Variants in DENND1B observed in about 807,000 individuals in gnomAD.
DENND1B encodes the protein DENN domain containing 1B, also known as DENN domain-containing protein 1B.
In DENND1B, 59 loss-of-function variants were observed where a neutral mutation model predicts 90.1. The ratio of observed to expected loss-of-function variants is 0.65; its 90% confidence interval spans 0.53 to 0.81. The LOEUF (loss-of-function observed/expected upper bound fraction) is 0.81, where lower values mean the gene tolerates loss of function less well. Ranked by LOEUF, DENND1B falls within the 40% of genes least tolerant of loss-of-function variation. The probability of loss-of-function intolerance (pLI) is 0.00; values close to 1 mark genes in which losing one functional copy is unlikely to be tolerated. For missense variants in DENND1B, 862 were observed against 912.6 expected (o/e 0.94, Z 0.71); for synonymous variants, 337 against 324.6 (o/e 1.04, Z -0.41).
intron 5 of DENND1B, among the ~76,000 whole-genome samples, chr1:197,662,964 A>G (rs1256305586): frequency 1.3e-5 from 2 of 152,126 alleles, no homozygotes; most frequent in East Asian, 3.9e-4. Context: ...TTAAAGTAAC[A>G]TTTTGGTAAA....
intron 18 of DENND1B, 64 bp from the exon 19 acceptor site, chr1:197,541,079 T>C (rs1381674034): frequency 5.1e-6 from 7 of 1,370,774 alleles, no homozygotes; most frequent in African/African-American, 2.9e-5. Context: ...AGAATAAGTA[T>C]ACAAGATCAA....
intron 13 of DENND1B, among the ~76,000 whole-genome samples, chr1:197,597,211 C>CA (rs1188049776): frequency 6.6e-6 from 1 of 151,646 alleles, no homozygotes; most frequent in Non-Finnish European, 1.5e-5. Context: ...ATAATAATTA[C>CA]AAAAATAAAT....
chr1:197,583,363 C>A, intron 14 of DENND1B, 110 bp from the exon 15 acceptor site: 4 of 913,100 alleles, frequency 4.4e-6, no homozygotes, highest in Non-Finnish European at 6.8e-6. Context: ...GGTGCAGAAG[C>A]AACAGACCCT....
chr1:197,539,302 T>C (rs539838248), intron 20 of DENND1B, among the ~76,000 whole-genome samples: 102 of 152,310 alleles, frequency 6.7e-4, no homozygotes, highest in Non-Finnish European at 1.3e-3. Flanking sequence ...AGTTCTGTAA[T>C]TTTGTAGCTA....
chr1:197,649,261 C>G (rs74134862), intron 7 of DENND1B, among the ~76,000 whole-genome samples: 1 of 152,108 alleles, frequency 6.6e-6, no homozygotes, highest in African/African-American at 2.4e-5. Context: ...AACGTTTTAA[C>G]AAATTCTATA....
Position 197,540,087 on chromosome 1 carries a change from T to C in DENND1B, c.1408-16A>G. The C allele has an allele frequency of 3.9e-6, 6 of 1,557,084 alleles. No homozygotes were observed. In the South Asian group the frequency reaches 4.6e-5, roughly 12 times the overall value. ...CTTCATTTTCCTACACATGAAAAAATATACAGGCAATAATTGTAAAGTACT... is the reference window on the plus strand; with the variant it reads ...CTTCATTTTCCTACACATGAAAAAACATACAGGCAATAATTGTAAAGTACT... On this transcript the variant is annotated splice_polypyrimidine_tract_variant and intron_variant, in intron 19 of 22. Coordinates refer to ENST00000620048, the MANE Select transcript of DENND1B (RefSeq NM_001195215.2).
intron 2 of DENND1B, among the ~76,000 whole-genome samples, chr1:197,740,374 T>C (rs1199017322): frequency 6.6e-6 from 1 of 151,942 alleles, no homozygotes; most frequent in Non-Finnish European, 1.5e-5. Flanking sequence ...GCCTTGTGGG[T>C]CCCTGGCAAG....
chr1:197,698,741 C>A (rs746704220), intron 3 of DENND1B, among the ~76,000 whole-genome samples: 4 of 152,034 alleles, frequency 2.6e-5, no homozygotes, highest in Non-Finnish European at 4.4e-5. Context: ...CACCACTGAT[C>A]CCACAGAAAT....
intron 14 of DENND1B, among the ~76,000 whole-genome samples, chr1:197,590,241 T>C (rs1362338298): frequency 6.6e-6 from 1 of 151,962 alleles, no homozygotes; most frequent in Non-Finnish European, 1.5e-5. Flanking sequence ...GCATCATTAC[T>C]TTTTTTTAAC....
intron 3 of DENND1B, among the ~76,000 whole-genome samples, chr1:197,701,256 G>A (rs569256389): frequency 3.5e-4 from 53 of 152,214 alleles, no homozygotes; most frequent in Non-Finnish European, 7.1e-4. Flanking sequence ...GCCATACAAA[G>A]GAATGAGATA....
At position 197,749,822 on chromosome 1, in the gene DENND1B, T is replaced by C. The variant is rs1007146239; in HGVS notation, c.82+23046A>G. Among the ~76,000 whole-genome samples the C allele has an allele frequency of 2.0e-5, 3 of 151,986 alleles. No individual in the cohort carries two copies. The East Asian group carries it at 5.8e-4, about 29-fold the overall frequency. ...TTAATAATTTCAATTTATAGTGAAGTTTTTTGGGTTTTTTTGTTGTTGTTT... is the reference window on the plus strand; with the variant it reads ...TTAATAATTTCAATTTATAGTGAAGCTTTTTGGGTTTTTTTGTTGTTGTTT... On this transcript the variant is annotated intron_variant, in intron 2 of 22. Transcript: ENST00000620048.
chr1:197,517,948 T>TTTC (rs1668517186), intron 20 of DENND1B, among the ~76,000 whole-genome samples: 1 of 151,918 alleles, frequency 6.6e-6, no homozygotes, highest in African/African-American at 2.4e-5. Context: ...TGTTTGTTTT[T>TTTC]TAGTTATCCT....
Position 197,523,689 on chromosome 1 carries a change from A to G in DENND1B, c.1516-10736T>C, listed in dbSNP as rs146103446. Among the ~76,000 whole-genome samples, 288 of 152,320 alleles carry G rather than the reference A, an allele frequency of 1.9e-3. 1 individual carries two copies. The highest frequency in any genetic ancestry group is 6.6e-3 in the African/African-American group (276 of 41,576). Reference sequence around the variant, plus strand: ...ATAGCAGCCCATTACAGGCAATGATATCAACAAAATCAAAATCCAGTTCAT... The same window carrying G: ...ATAGCAGCCCATTACAGGCAATGATGTCAACAAAATCAAAATCCAGTTCAT... On this transcript the variant is annotated intron_variant, in intron 20 of 22. Transcript: ENST00000620048.
chr1:197,626,703 A>G (rs1180466948), intron 10 of DENND1B, among the ~76,000 whole-genome samples: 1 of 151,826 alleles, frequency 6.6e-6, no homozygotes, highest in Non-Finnish European at 1.5e-5. Flanking sequence ...AAATAGAGAC[A>G]CAAAAAAAAC....
intron 2 of DENND1B, among the ~76,000 whole-genome samples, chr1:197,755,287 C>T (rs1418250451): frequency 1.3e-5 from 2 of 152,072 alleles, no homozygotes; most frequent in Non-Finnish European, 2.9e-5. Flanking sequence ...AGTATATAGC[C>T]TACCAAAAGA....
In DENND1B at chr1:197,641,044, C is replaced by T. The variant is rs1680228454; in HGVS notation, c.672+1667G>A. Among the ~76,000 whole-genome samples, 12 of 152,322 alleles carry T rather than the reference C, an allele frequency of 7.9e-5. No homozygotes were observed. The South Asian group carries it at 2.5e-3, about 32-fold the overall frequency. On this transcript the variant is annotated intron_variant, in intron 10 of 22. Transcript: ENST00000620048. The stretch of plus-strand genomic sequence containing the variant: ...ACCCTGTAAACCCACTCACTTTATC[C>T]ATTATGTAACCCTAGCTAATAAATA...
chr1:197,567,429 A>C (rs1464384123), intron 15 of DENND1B, among the ~76,000 whole-genome samples: 1 of 152,170 alleles, frequency 6.6e-6, no homozygotes, highest in Non-Finnish European at 1.5e-5. Flanking sequence ...TTTAAAGAAT[A>C]CCAATCCTCA....
At chr1:197,597,098 A>G (rs913992789) in intron 13 of DENND1B, among the ~76,000 whole-genome samples, 1 of 151,946 alleles carries the variant, frequency 6.6e-6, no homozygotes, top group Non-Finnish European at 1.5e-5. Flanking sequence ...TAATTCATTT[A>G]GCCCACAAAG....
chr1:197,701,544 C>G (rs967516105), intron 3 of DENND1B, among the ~76,000 whole-genome samples: 2 of 151,368 alleles, frequency 1.3e-5, no homozygotes, highest in African/African-American at 4.8e-5. Context: ...GTATCCCCCC[C>G]TTCCCCGGCT....
Sources: allele counts gnomAD v4.1 joint callset (sites outside exome capture counted in the v4.1 genomes callset), GRCh38; gene constraint gnomAD v4.1.1; transcripts MANE v1.5; gene names NCBI Gene and HGNC (gene_info 2026-07-23, HGNC 2026-07-21).